The following GABRA3 variants were observed in gnomAD, a reference collection of about 807,000 sequenced individuals.
GABRA3 encodes gamma-aminobutyric acid type A receptor subunit alpha3.
Under a neutral mutation model 30.1 loss-of-function variants are expected in GABRA3, and 10 were observed. The ratio of observed to expected loss-of-function variants is 0.33; its 90% CI spans 0.20 to 0.56. The LOEUF is 0.56. Ranked by LOEUF, GABRA3 falls within the 20% of genes least tolerant of loss-of-function variation. The pLI is 0.89. For missense variants in GABRA3, 233 were observed against 392.0 expected (o/e 0.59, Z 3.42); for synonymous variants, 151 against 146.8 (o/e 1.03, Z -0.21).
intron 1 of GABRA3, among the ~76,000 whole-genome samples, chrX:152,388,858 G>A (rs758998229): frequency 8.9e-6 from 1 of 112,220 alleles, no homozygotes; most frequent in Non-Finnish European, 1.9e-5. Context: ...CATTATAATG[G>A]ACACTCAAAC....
chrX:152,306,565 T>C (rs1440687912), intron 3 of GABRA3, among the ~76,000 whole-genome samples: 1 of 111,608 alleles, frequency 9.0e-6, no homozygotes, highest in African/African-American at 3.3e-5. Context: ...TAAGTTAATA[T>C]GGTGGGTCTG....
intron 2 of GABRA3, among the ~76,000 whole-genome samples, chrX:152,349,120 G>T (rs1033244593): frequency 3.0e-4 from 34 of 111,960 alleles, no homozygotes; most frequent in African/African-American, 1.1e-3. Flanking sequence ...CTAAGTTTAT[G>T]TAATATTCTA....
intron 1 of GABRA3, among the ~76,000 whole-genome samples, chrX:152,438,538 C>A (rs775084003): frequency 8.9e-6 from 1 of 112,224 alleles, no homozygotes; most frequent in African/African-American, 3.2e-5. Context: ...TTCATAATTG[C>A]CAAAACTTGG....
At chrX:152,233,448 G>A (rs1461624989) in intron 5 of GABRA3, among the ~76,000 whole-genome samples, 1 of 109,772 alleles carries the variant, frequency 9.1e-6, no homozygotes, top group African/African-American at 3.3e-5. Context: ...ATGAAAAAAT[G>A]CTCATCATCA....
At chrX:152,299,602 C>G (rs187828103) in intron 3 of GABRA3, among the ~76,000 whole-genome samples, 178 of 111,566 alleles carry the variant, frequency 1.6e-3, no homozygotes, top group African/African-American at 5.7e-3. Flanking sequence ...AACCACAAAA[C>G]CACTTGATAG....
chrX:152,376,206 CA>C (rs1928992568), intron 1 of GABRA3, among the ~76,000 whole-genome samples: 1 of 111,767 alleles, frequency 8.9e-6, no homozygotes, highest in South Asian at 3.8e-4. Context: ...GTGACCCACA[CA>C]GTTTCCATGG....
At chrX:152,239,851 A>G (rs1938319622) in intron 5 of GABRA3, among the ~76,000 whole-genome samples, 1 of 102,843 alleles carries the variant, frequency 9.7e-6, no homozygotes, top group Non-Finnish European at 1.9e-5. Flanking sequence ...AGCTTGGTAG[A>G]TCTTCCTCCA....
chrX:152,313,956 A>G (rs759147279), intron 3 of GABRA3, among the ~76,000 whole-genome samples: 2 of 111,392 alleles, frequency 1.8e-5, no homozygotes, highest in Non-Finnish European at 3.8e-5. Flanking sequence ...CATTAACACT[A>G]TTTAAGATTC....
At chrX:152,300,624 T>G (rs995514729) in intron 3 of GABRA3, among the ~76,000 whole-genome samples, 5 of 112,359 alleles carry the variant, frequency 4.5e-5, no homozygotes, top group African/African-American at 1.6e-4. Context: ...CTCTGTTTCA[T>G]GAGGTAAAGG....
intron 2 of GABRA3, among the ~76,000 whole-genome samples, chrX:152,354,628 A>T (rs1940523212): frequency 1.8e-5 from 2 of 111,678 alleles, no homozygotes; most frequent in African/African-American, 6.5e-5. Flanking sequence ...AAATGTTGCA[A>T]ATGTTACAGG....
chrX:152,430,489 G>A (rs1019822670), intron 1 of GABRA3, among the ~76,000 whole-genome samples: 1 of 111,589 alleles, frequency 9.0e-6, no homozygotes, highest in Non-Finnish European at 1.9e-5. Context: ...GGCAACTGGG[G>A]TGTTGCCCAG....
intron 1 of GABRA3, among the ~76,000 whole-genome samples, chrX:152,437,904 A>T (rs1300057013): frequency 8.9e-6 from 1 of 112,267 alleles, no homozygotes; most frequent in Non-Finnish European, 1.9e-5. Flanking sequence ...AAACCAAAAA[A>T]GTCCTAGAAG....
intron 9 of GABRA3, among the ~76,000 whole-genome samples, chrX:152,180,314 T>A (rs1254974247): frequency 2.7e-5 from 3 of 112,376 alleles, no homozygotes; most frequent in Non-Finnish European, 5.6e-5. Flanking sequence ...TTGAGCATTT[T>A]AAAAATATAA....
At chrX:152,273,208 C>T (rs944845150) in intron 4 of GABRA3, among the ~76,000 whole-genome samples, 3 of 112,186 alleles carry the variant, frequency 2.7e-5, no homozygotes, top group Non-Finnish European at 5.6e-5. Context: ...CACTAATCAT[C>T]AAGGAAATGC....
chrX:152,380,900 G>T (rs1014011621), intron 1 of GABRA3, among the ~76,000 whole-genome samples: 1 of 111,762 alleles, frequency 8.9e-6, no homozygotes, highest in Non-Finnish European at 1.9e-5. Context: ...GGGGTCTAGT[G>T]AAAGATGTTT....
In GABRA3 at chrX:152,372,365, A is replaced by G. The variant is rs372963043; in HGVS notation, c.-26-7769T>C. On this transcript the variant is annotated intron_variant, in intron 1 of 9. Coordinates refer to ENST00000370314, the MANE Select transcript of GABRA3 (RefSeq NM_000808.4). Reference sequence around the variant, plus strand: ...ACTTGTTTTCCCAATACTCCTTGAAAACACCCAGCCTTAAGGGACTTTGTA... The same window carrying G: ...ACTTGTTTTCCCAATACTCCTTGAAGACACCCAGCCTTAAGGGACTTTGTA... Among the ~76,000 whole-genome samples, 10 of 111,606 alleles carry G rather than the reference A, an allele frequency of 9.0e-5. No homozygotes were observed. The East Asian group carries it at 2.8e-3, about 31-fold the overall frequency.
chrX:152,412,185 A>T (rs1930089897), intron 1 of GABRA3, among the ~76,000 whole-genome samples: 1 of 112,030 alleles, frequency 8.9e-6, no homozygotes, highest in Non-Finnish European at 1.9e-5. Context: ...GTTCATAAAG[A>T]TATGGAAAGA....
At chrX:152,290,598 T>C (rs2124443533) in intron 3 of GABRA3, among the ~76,000 whole-genome samples, 1 of 112,219 alleles carries the variant, frequency 8.9e-6, no homozygotes, top group East Asian at 2.8e-4. Flanking sequence ...CATGCCTATG[T>C]CCTGAATGGT....
chrX:152,304,150 TG>T (rs2124455265), intron 3 of GABRA3, among the ~76,000 whole-genome samples: 1 of 111,890 alleles, frequency 8.9e-6, no homozygotes, highest in African/African-American at 3.2e-5. Flanking sequence ...TTAATGGAGT[TG>T]TTTTTTGCTT....
Sources: gnomAD v4.1 joint callset for allele counts (sites outside exome capture counted in the v4.1 genomes callset) on GRCh38, gnomAD v4.1.1 for gene constraint, MANE v1.5 for transcripts, NCBI Gene and HGNC (gene_info 2026-07-23, HGNC 2026-07-21) for gene names.